The following EXOC4 variants were observed in gnomAD, a reference collection of about 807,000 sequenced individuals.
EXOC4 encodes the protein exocyst complex component 4.
In EXOC4, 71 loss-of-function variants were observed where a neutral mutation model predicts 107.2. That is an observed-to-expected ratio of 0.66 (90% CI 0.55 to 0.81). The LOEUF is 0.81. Among genes scored for constraint, EXOC4 ranks in the 30% least tolerant of loss-of-function variants. The pLI, the probability that EXOC4 is intolerant of heterozygous loss-of-function variation, is 0.00. For synonymous variants in EXOC4, 456 were observed against 441.2 expected (o/e 1.03, Z -0.42); for missense variants, 1,108 against 1,189.6 (o/e 0.93, Z 1.01).
At chr7:133,497,555 T>C (rs1240673053) in intron 9 of EXOC4, among the ~76,000 whole-genome samples, 1 of 151,862 alleles carries the variant, frequency 6.6e-6, no homozygotes, top group African/African-American at 2.4e-5. Flanking sequence ...CTCAGCCTCC[T>C]GAGTAGCTGG....
At chr7:133,301,481 C>A (rs1490771663) in intron 3 of EXOC4, among the ~76,000 whole-genome samples, 1 of 152,096 alleles carries the variant, frequency 6.6e-6, no homozygotes, top group Non-Finnish European at 1.5e-5. Flanking sequence ...AAAAATGCTT[C>A]CTTAAGGGAG....
At chr7:133,482,318 G>A (rs1025120401) in intron 9 of EXOC4, among the ~76,000 whole-genome samples, 9 of 152,124 alleles carry the variant, frequency 5.9e-5, no homozygotes, top group African/African-American at 2.2e-4. Context: ...GCACAGTGCA[G>A]CCTTCCATTT....
intron 9 of EXOC4, among the ~76,000 whole-genome samples, chr7:133,614,840 A>G (rs1181749937): frequency 2.6e-5 from 4 of 151,148 alleles, no homozygotes; most frequent in Non-Finnish European, 4.4e-5. Flanking sequence ...AAGGGTTTCA[A>G]GATAGAGATC....
At chr7:133,769,840 C>T (rs1288831027) in intron 10 of EXOC4, among the ~76,000 whole-genome samples, 2 of 151,912 alleles carry the variant, frequency 1.3e-5, no homozygotes, top group African/African-American at 4.8e-5. Context: ...GCAATCACCA[C>T]AGGGAGCCTC....
At chr7:133,738,963 C>T (rs1193187758) in intron 10 of EXOC4, among the ~76,000 whole-genome samples, 3 of 152,004 alleles carry the variant, frequency 2.0e-5, no homozygotes, top group East Asian at 1.9e-4. Context: ...GTGAAGAGAG[C>T]GAAACCAACC....
chr7:133,458,807 T>G (rs142773334), intron 7 of EXOC4, among the ~76,000 whole-genome samples: 68 of 152,346 alleles, frequency 4.5e-4, no homozygotes, highest in African/African-American at 1.6e-3. Flanking sequence ...GCATGGTACT[T>G]CTGCATGTTT....
At chr7:133,906,305 C>A (rs897929789) in intron 12 of EXOC4, among the ~76,000 whole-genome samples, 6 of 152,122 alleles carry the variant, frequency 3.9e-5, no homozygotes, top group Non-Finnish European at 8.8e-5. Flanking sequence ...AACTTTGAAC[C>A]TCAGAGTGAG....
At position 133,735,087 on chromosome 7, in the gene EXOC4, A is replaced by G. The variant is rs1795412357; in HGVS notation, c.1515-82238A>G. 8.1e-5 allele frequency among the ~76,000 whole-genome samples: 12 copies of G among 148,994 alleles called. No homozygotes were observed. The South Asian group carries it at 2.6e-3, about 32-fold the overall frequency. On this transcript the variant is annotated intron_variant, in intron 10 of 17. Transcript: ENST00000253861. ...AAAAAAATACAAAAATTAGCCGGGC[A>G]TGATGGTGTGTGCCTGTAATCCCAG...
At chr7:133,809,915 T>C (rs1797176079) in intron 10 of EXOC4, among the ~76,000 whole-genome samples, 1 of 152,198 alleles carries the variant, frequency 6.6e-6, no homozygotes, top group African/African-American at 2.4e-5. Context: ...AATTTGTACC[T>C]TTGATTTTGT....
intron 9 of EXOC4, among the ~76,000 whole-genome samples, chr7:133,501,944 C>T (rs979648617): frequency 2.6e-5 from 4 of 152,062 alleles, no homozygotes; most frequent in African/African-American, 9.7e-5. Flanking sequence ...GCTATCCAAT[C>T]AAGGAGGGGT....
intron 10 of EXOC4, among the ~76,000 whole-genome samples, chr7:133,698,121 A>AG: frequency 6.6e-6 from 1 of 151,114 alleles, no homozygotes; most frequent in South Asian, 2.1e-4. Context: ...AATTTATGAA[A>AG]AAAAATTATG....
chr7:133,625,571 G>A (rs1311536400), intron 9 of EXOC4, among the ~76,000 whole-genome samples: 2 of 152,060 alleles, frequency 1.3e-5, no homozygotes, highest in African/African-American at 4.8e-5. Flanking sequence ...AACTCTAGTT[G>A]GGTAGAATCA....
chr7:133,946,761 A>G (rs180825095), intron 14 of EXOC4, among the ~76,000 whole-genome samples: 60 of 152,340 alleles, frequency 3.9e-4, no homozygotes, highest in Middle Eastern at 3.4e-3. Context: ...TTATCGTGCA[A>G]GCTTCAGACT....
At chr7:133,489,963 T>A (rs1003008518) in intron 9 of EXOC4, among the ~76,000 whole-genome samples, 1 of 152,200 alleles carries the variant, frequency 6.6e-6, no homozygotes, top group African/African-American at 2.4e-5. Flanking sequence ...GCTAATAGGA[T>A]GTGATTGAAA....
intron 7 of EXOC4, among the ~76,000 whole-genome samples, chr7:133,419,932 G>A (rs999270963): frequency 2.0e-5 from 3 of 150,962 alleles, no homozygotes; most frequent in Non-Finnish European, 2.9e-5. Flanking sequence ...GGGTTCACCT[G>A]AGAGGCTCAA....
intron 10 of EXOC4, among the ~76,000 whole-genome samples, chr7:133,727,009 G>A (rs1482857348): frequency 6.6e-6 from 1 of 152,096 alleles, no homozygotes; most frequent in Admixed American, 6.5e-5. Flanking sequence ...GACAAATAAG[G>A]CGTCATGGAA....
intron 11 of EXOC4, among the ~76,000 whole-genome samples, chr7:133,837,872 GATATTGA>G (rs1797949566): frequency 6.6e-6 from 1 of 152,144 alleles, no homozygotes; most frequent in South Asian, 2.1e-4. Context: ...AAAACTTAAG[GATATTGA>G]ATGTAAATAC....
At chr7:133,468,173 T>C (rs1274417195) in intron 7 of EXOC4, among the ~76,000 whole-genome samples, 1 of 152,204 alleles carries the variant, frequency 6.6e-6, no homozygotes, top group Non-Finnish European at 1.5e-5. Context: ...GGACCAAAAA[T>C]ACATGTGTAC....
chr7:133,962,541 C>T (rs891131022), intron 14 of EXOC4, among the ~76,000 whole-genome samples: 1 of 152,176 alleles, frequency 6.6e-6, no homozygotes, highest in Admixed American at 6.5e-5. Context: ...TGGTTCCCTT[C>T]GACAGCCTCT....
Sources: allele counts gnomAD v4.1 joint callset (sites outside exome capture counted in the v4.1 genomes callset), GRCh38; gene constraint gnomAD v4.1.1; transcripts MANE v1.5; gene names NCBI Gene and HGNC (gene_info 2026-07-23, HGNC 2026-07-21).